The following CLASRP variants were observed in gnomAD, a reference collection of about 807,000 sequenced individuals.
The protein encoded by CLASRP is CLK4 associating serine/arginine rich protein.
Under a neutral mutation model 99.9 loss-of-function variants are expected in CLASRP, and 52 were observed. That is an observed-to-expected ratio of 0.52 (90% CI 0.42 to 0.66). The LOEUF (loss-of-function observed/expected upper bound fraction) is 0.66. Among genes scored for constraint, CLASRP ranks in the 30% least tolerant of loss-of-function variants. CLASRP has a pLI of 0.00. For missense variants in CLASRP, 848 were observed against 999.2 expected, an observed-to-expected ratio of 0.85 and a Z score of 2.04; for synonymous variants, 379 against 373.0, an observed-to-expected ratio of 1.02 and a Z score of -0.18.
At chr19:45,046,632 C>G (rs1258418407) in intron 2 of CLASRP, among the ~76,000 whole-genome samples, 1 of 152,218 alleles carries the variant, frequency 6.6e-6, no homozygotes, top group African/African-American at 2.4e-5. Context: ...TACCCTAGCA[C>G]AAGGTCTGCT....
chr19:45,067,349 C>T lies in CLASRP; in HGVS notation c.1422C>T (p.His474=). 2 of 1,519,490 alleles carry T rather than the reference C, an allele frequency of 1.3e-6. No homozygotes were observed. The highest frequency in any genetic ancestry group is 1.4e-5 in the African/African-American group (1 of 72,730). 94.1% of individuals were successfully genotyped at this position (1,519,490 alleles called of 1,614,324 possible). The change falls in exon 14 of 21, where the codon CAC becomes CAT. Residue 474 remains histidine, a synonymous_variant. Coordinates refer to ENST00000221455, the MANE Select transcript of CLASRP (RefSeq NM_007056.3). This position sits in a 1 kb window ranked among gnomAD's most constrained non-coding sequence, Gnocchi z 4.9. ...GPRRRSRSRS[H]SGDRYRRGGR... ...GCTGCATCCCCAGGAGCCGCTCCCA[C>T]TCAGGGGACCGCTACAGGCGGGGCG...
intron 7 of CLASRP, 172 bp downstream of exon 7, chr19:45,058,070 T>C: frequency 1.4e-6 from 1 of 734,272 alleles, no homozygotes. Flanking sequence ...CCTCCTCCGT[T>C]CCGGCCTTCC....
At position 45,070,593 on chromosome 19, in the gene CLASRP, G is replaced by A. The variant is rs750198640; in HGVS notation, c.1982+32G>A. ...AAGCCCATGACCCTCCACTTTCTTG[G>A]AAGTAACACTTGTCCTTTGATGGGA... On this transcript the variant is annotated intron_variant, in intron 20 of 20. Coordinates refer to ENST00000221455, the MANE Select transcript of CLASRP (RefSeq NM_007056.3). 3.1e-6 allele frequency: 5 copies of A among 1,598,376 alleles called. No individual in the cohort carries two copies. The South Asian group carries it at 5.5e-5, about 18-fold the overall frequency.
rs888817372 is a variant in CLASRP, at chr19:45,043,676, GC to G, written c.99+3366del. 4.9e-4 allele frequency among the ~76,000 whole-genome samples: 74 copies of G among 152,168 alleles called. 1 individual carries two copies. Among genetic ancestry groups the G allele is most frequent in the African/African-American group, 1.7e-3 (72 of 41,536 alleles). ...CACAGTCACCTGTGAGACAGAGACC[GC>G]TCTTACTTCCACTCAGCAGAGAAGA... On this transcript the variant is annotated intron_variant, in intron 2 of 20. Transcript: ENST00000221455.
chr19:45,058,138 A>G (rs979524596), intron 7 of CLASRP: 11 of 544,850 alleles, frequency 2.0e-5, no homozygotes, highest in African/African-American at 1.7e-4. Flanking sequence ...TTCCCCTCCT[A>G]GGTGTTGGCT....
In CLASRP at chr19:45,063,950, G is replaced by A. The variant is rs532322512; in HGVS notation, c.906-62G>A. The A allele has an allele frequency of 6.6e-6, 10 of 1,521,996 alleles. No individual in the cohort carries two copies. In the East Asian group the frequency reaches 2.4e-4, roughly 37 times the overall value. The allele number at this position is 1,521,996 out of a possible 1,614,324, so 94.3% of individuals were successfully genotyped here. ...TGGCGCTGCTGTTGATCTGCTGTGT[G>A]TGCTGTTCCCGAAGAGGCTCCGGGA... is the stretch of plus-strand genomic sequence containing the variant. On this transcript the variant is annotated intron_variant, in intron 11 of 20. Coordinates refer to ENST00000221455, the MANE Select transcript of CLASRP (RefSeq NM_007056.3).
intron 13 of CLASRP, among the ~76,000 whole-genome samples, chr19:45,066,213 G>A (rs1313924896): frequency 6.6e-6 from 1 of 151,804 alleles, no homozygotes; most frequent in Non-Finnish European, 1.5e-5. Flanking sequence ...TCCTCCTCCT[G>A]GGTTCAAGTG....
At chr19:45,042,508 AATTT>A in intron 2 of CLASRP, among the ~76,000 whole-genome samples, 1 of 150,958 alleles carries the variant, frequency 6.6e-6, no homozygotes, top group Admixed American at 6.6e-5. Context: ...TCAAAAAAAA[AATTT>A]ATATATATAT....
chr19:45,055,696 G>A (rs750198686), intron 5 of CLASRP, among the ~76,000 whole-genome samples: 1 of 152,160 alleles, frequency 6.6e-6, no homozygotes, highest in African/African-American at 2.4e-5. Flanking sequence ...AGCCAGGCAC[G>A]GTGGCGCCTG....
At chr19:45,070,459 GAGGACCTCACCCC>G in intron 19 of CLASRP, 65 bp from the exon 20 acceptor site, 1 of 1,319,314 alleles carries the variant, frequency 7.6e-7, no homozygotes, top group Non-Finnish European at 1.1e-6. Flanking sequence ...GTTCAGTTTT[GAGGACCTCACCCC>G]AGGTCAAGGA....
chr19:45,066,909 A>G (rs1254852475), intron 13 of CLASRP, among the ~76,000 whole-genome samples: 1 of 152,046 alleles, frequency 6.6e-6, no homozygotes, highest in Non-Finnish European at 1.5e-5. Context: ...GGTCCCCACT[A>G]TTGTCGAGAC....
intron 5 of CLASRP, among the ~76,000 whole-genome samples, chr19:45,053,659 T>C (rs766682286): frequency 2.3e-4 from 35 of 152,142 alleles, no homozygotes; most frequent in Non-Finnish European, 3.2e-4. Context: ...TTTGTATTTT[T>C]AGTAGAGACG....
At chr19:45,048,301 C>T (rs970471789) in intron 2 of CLASRP, among the ~76,000 whole-genome samples, 2 of 149,806 alleles carry the variant, frequency 1.3e-5, no homozygotes, top group African/African-American at 2.5e-5. Flanking sequence ...CTTTGGGAGG[C>T]CGAGGCGGGT....
Position 45,059,328 on chromosome 19 carries a change from C to T in CLASRP, c.674C>T (p.Ala225Val). Residue 225 changes from alanine to valine, a missense_variant, in exon 8 of 21, where the codon GCC becomes GTC. Coordinates refer to ENST00000221455, the MANE Select transcript of CLASRP (RefSeq NM_007056.3). ...CAGGTGGCAGATCTCAACAAACAGG[C>T]CACGACTTATGGCATGGCCGACGGT... ...QEQVADLNKQ[A>V]TTYGMADGDF... 6.2e-7 allele frequency: 1 copy of T among 1,605,618 alleles called. No individual in the cohort carries two copies. Among genetic ancestry groups the T allele is most frequent in the Non-Finnish European group, 8.5e-7 (1 of 1,175,828 alleles).
rs1230555990 is a variant in CLASRP at position 45,064,323 on chromosome 19, C to T, written c.1122-20C>T. On this transcript the variant is annotated intron_variant, in intron 12 of 20. Transcript: ENST00000221455. Reference sequence around the variant, plus strand: ...GCGGCTCAGGCCTGCGCTGACCGGCCCTCCGTGCCCCGCCTGCAGCCGCCG... The same window carrying T: ...GCGGCTCAGGCCTGCGCTGACCGGCTCTCCGTGCCCCGCCTGCAGCCGCCG... The T allele has an allele frequency of 3.3e-6, 5 of 1,517,400 alleles. No homozygotes were observed. The Admixed American group carries it at 1.0e-4, about 30-fold the overall frequency. 94.0% of individuals were successfully genotyped at this position (1,517,400 alleles called of 1,614,324 possible). A position where few individuals can be genotyped will look rare whatever the true frequency, so the allele number is the denominator to read the frequency against.
chr19:45,048,870 C>T (rs940394973), intron 2 of CLASRP, among the ~76,000 whole-genome samples: 10 of 151,862 alleles, frequency 6.6e-5, no homozygotes, highest in Admixed American at 4.6e-4. Context: ...CCTGTAATCC[C>T]AGCTACTCGG....
At position 45,057,136 on chromosome 19, in the gene CLASRP, C is replaced by T. The variant is rs77738088; in HGVS notation, c.464+602C>T. 3.9e-5 allele frequency among the ~76,000 whole-genome samples: 6 copies of T among 152,312 alleles called. No individual in the cohort carries two copies. In the East Asian group the frequency reaches 9.7e-4, roughly 25 times the overall value. ...TGAGTGCAGGCCTCCCGCCCTCACA[C>T]ACGCTATTCCCTCTGCAGGGCTTAG... On this transcript the variant is annotated intron_variant, in intron 6 of 20. Transcript: ENST00000221455.
At chr19:45,057,928 G>C (rs753629910) in intron 7 of CLASRP, 30 bp downstream of exon 7, 1 of 1,612,208 alleles carries the variant, frequency 6.2e-7, no homozygotes, top group Non-Finnish European at 8.5e-7. Flanking sequence ...CTCCCCACCT[G>C]CAGTCCCTGG....
At chr19:45,048,368 CTACTAAAAA>C (rs1971960293) in intron 2 of CLASRP, among the ~76,000 whole-genome samples, 1 of 150,790 alleles carries the variant, frequency 6.6e-6, no homozygotes, top group Non-Finnish European at 1.5e-5. Context: ...AATCCCGTCT[CTACTAAAAA>C]TACAAAAAAT....
Sources: allele counts gnomAD v4.1 joint callset (sites outside exome capture counted in the v4.1 genomes callset), GRCh38; gene constraint gnomAD v4.1.1; non-coding constraint Gnocchi (gnomAD v3.1); transcripts MANE v1.5; gene names NCBI Gene and HGNC (gene_info 2026-07-23, HGNC 2026-07-21).